CPA6: variants seen among roughly 807,000 people sequenced by gnomAD.
The protein encoded by CPA6 is carboxypeptidase A6.
CPA6 carries 58 observed loss-of-function variants against 63.3 expected under a neutral mutation model. That is an observed-to-expected ratio of 0.92 (90% confidence interval 0.74 to 1.14). CPA6 has a LOEUF of 1.14. Ranked by LOEUF, CPA6 falls within the 50% of genes most tolerant of loss-of-function variation. The pLI, the probability that CPA6 is intolerant of heterozygous loss-of-function variation, is 0.00. For synonymous variants in CPA6, 185 were observed against 179.0 expected (o/e 1.03, Z -0.27); for missense variants, 565 against 526.6 (o/e 1.07, Z -0.71).
intron 9 of CPA6, among the ~76,000 whole-genome samples, chr8:67,433,623 G>A (rs997944140): frequency 1.3e-5 from 2 of 152,114 alleles, no homozygotes; most frequent in Non-Finnish European, 2.9e-5. Flanking sequence ...TTACAGCCTT[G>A]CATACATGAC....
intron 1 of CPA6, among the ~76,000 whole-genome samples, chr8:67,659,781 C>A (rs1816068273): frequency 6.6e-6 from 1 of 152,150 alleles, no homozygotes; most frequent in East Asian, 1.9e-4. Flanking sequence ...TCCACCAATG[C>A]AATATATTTT....
intron 2 of CPA6, among the ~76,000 whole-genome samples, chr8:67,574,376 C>CAAA (rs1181267622): frequency 3.1e-5 from 2 of 65,214 alleles, no homozygotes; most frequent in African/African-American, 4.7e-5. Context: ...GACTCTGTCT[C>CAAA]AAAAAAAAAA....
intron 1 of CPA6, among the ~76,000 whole-genome samples, chr8:67,719,931 C>T (rs1425437191): frequency 1.3e-5 from 2 of 152,126 alleles, no homozygotes; most frequent in Non-Finnish European, 2.9e-5. Context: ...CAGCAACCAA[C>T]TGGACATATG....
chr8:67,743,515 G>A (rs1353433495), intron 1 of CPA6, among the ~76,000 whole-genome samples: 1 of 152,078 alleles, frequency 6.6e-6, no homozygotes, highest in Non-Finnish European at 1.5e-5. Flanking sequence ...TGTACAATTA[G>A]ATTATTGACT....
intron 1 of CPA6, among the ~76,000 whole-genome samples, chr8:67,685,376 G>C (rs1201678518): frequency 1.3e-5 from 2 of 152,136 alleles, no homozygotes; most frequent in African/African-American, 4.8e-5. Context: ...CCAGCACTTT[G>C]GGAGGCCGAG....
chr8:67,667,837 AG>A (rs1816264098), intron 1 of CPA6, among the ~76,000 whole-genome samples: 4 of 152,244 alleles, frequency 2.6e-5, no homozygotes, highest in African/African-American at 9.6e-5. Context: ...GCTCACCCTT[AG>A]GAAGAGCTCA....
chr8:67,629,138 C>CA lies in CPA6; in HGVS notation c.117-4888dup, dbSNP rs1236510944. On this transcript the variant is annotated intron_variant, in intron 1 of 10. Coordinates refer to ENST00000297770, the MANE Select transcript of CPA6 (RefSeq NM_020361.5). The stretch of plus-strand genomic sequence containing the variant: ...CGAAACAAACTAACAAAAAAACCCC[C>CA]AAAAAAACAAACAAAAAAAATCACC... 4.0e-5 allele frequency among the ~76,000 whole-genome samples: 6 copies of CA among 150,040 alleles called. No homozygotes were observed. In the East Asian group the frequency reaches 9.7e-4, roughly 24 times the overall value.
At chr8:67,650,557 A>G (rs2128991282) in intron 1 of CPA6, among the ~76,000 whole-genome samples, 2 of 152,242 alleles carry the variant, frequency 1.3e-5, no homozygotes, top group Middle Eastern at 6.8e-3. Flanking sequence ...ATAAGGTGCC[A>G]TGGACATCCA....
At chr8:67,735,712 T>C (rs1817799771) in intron 1 of CPA6, 1 of 149,810 alleles carries the variant, frequency 6.7e-6, no homozygotes, top group Non-Finnish European at 1.5e-5. Context: ...TGCTATTACA[T>C]TTCTGCCCTC....
rs1813973665 is a variant in CPA6 at position 67,587,454 on chromosome 8, A to G, written c.192+36722T>C. Among the ~76,000 whole-genome samples the G allele has an allele frequency of 2.0e-5, 3 of 152,310 alleles. No individual in the cohort carries two copies. The South Asian group carries it at 6.2e-4, about 32-fold the overall frequency. ...CAAAATAGAATATCTCTGAGATAAT[A>G]AATAGAATTATTCCATATCAGAGGA... On this transcript the variant is annotated intron_variant, in intron 2 of 10. Transcript: ENST00000297770.
At chr8:67,495,828 T>C (rs1811699530) in intron 6 of CPA6, among the ~76,000 whole-genome samples, 1 of 152,080 alleles carries the variant, frequency 6.6e-6, no homozygotes, top group South Asian at 2.1e-4. Context: ...GCTGGAATTA[T>C]AGGTGTCAGC....
chr8:67,557,387 G>A (rs374973047), intron 2 of CPA6, among the ~76,000 whole-genome samples: 2 of 152,236 alleles, frequency 1.3e-5, no homozygotes, highest in African/African-American at 4.8e-5. Context: ...AACAGGATAT[G>A]AATGAAAGTG....
At chr8:67,665,779 G>A (rs747903738) in intron 1 of CPA6, among the ~76,000 whole-genome samples, 1 of 152,120 alleles carries the variant, frequency 6.6e-6, no homozygotes, top group Non-Finnish European at 1.5e-5. Flanking sequence ...CCAAAAGCTC[G>A]GGGTATAATA....
intron 8 of CPA6, among the ~76,000 whole-genome samples, chr8:67,467,244 T>C (rs1197358472): frequency 6.6e-6 from 1 of 152,218 alleles, no homozygotes; most frequent in African/African-American, 2.4e-5. Flanking sequence ...TGTTGACGTG[T>C]ACCTGGGCAA....
chr8:67,539,832 T>C (rs570158528), intron 2 of CPA6, among the ~76,000 whole-genome samples: 2 of 152,310 alleles, frequency 1.3e-5, no homozygotes, highest in East Asian at 3.9e-4. Context: ...TCTTGTGCTG[T>C]GTTTTTCAAC....
intron 2 of CPA6, among the ~76,000 whole-genome samples, chr8:67,527,025 C>T (rs534758919): frequency 3.9e-5 from 6 of 152,142 alleles, no homozygotes; most frequent in Admixed American, 6.5e-5. Flanking sequence ...AGCCTGGCTC[C>T]GAGGTAGAAT....
rs754502832 is a variant in CPA6 at position 67,746,063 on chromosome 8, T to C, written c.67A>G (p.Lys23Glu). The change falls in exon 1 of 11, where the codon AAG becomes GAG. Residue 23 changes from lysine to glutamate, a missense_variant. Lys to Glu is a moderately conservative substitution (Grantham distance 56). Transcript: ENST00000297770. ...AFLPLCWLFL[K>E]ILQPGHSHLY... ...TGGCTGTGCCCCGGTTGCAGAATCT[T>C]CAAAAAGAGCCAGCAAAGAGGCAGG... is the stretch of plus-strand genomic sequence containing the variant. 6.2e-7 allele frequency: 1 copy of C among 1,613,764 alleles called. No individual in the cohort carries two copies. The highest frequency in any genetic ancestry group is 8.5e-7 in the Non-Finnish European group (1 of 1,179,830).
Position 67,422,372 on chromosome 8 carries a change from G to T in CPA6, c.*132C>A, listed in dbSNP as rs193137313. The T allele has an allele frequency of 1.6e-6, 1 of 644,376 alleles. No individual in the cohort carries two copies. The highest frequency in any genetic ancestry group is 2.5e-6 in the Non-Finnish European group (1 of 392,866). 39.9% of individuals were successfully genotyped at this position (644,376 alleles called of 1,614,324 possible). On this transcript the variant is annotated 3_prime_UTR_variant, in exon 11 of 11. Coordinates refer to ENST00000297770, the MANE Select transcript of CPA6 (RefSeq NM_020361.5). The stretch of plus-strand genomic sequence containing the variant: ...TTCTATTGCCACAAAGTCAAATTGC[G>T]TGGGGTCTTTTTAAAGTCCATAGAC...
intron 2 of CPA6, among the ~76,000 whole-genome samples, chr8:67,541,852 G>C (rs1386292912): frequency 6.6e-6 from 1 of 152,212 alleles, no homozygotes; most frequent in Non-Finnish European, 1.5e-5. Context: ...GTCCCAATGA[G>C]AGGAACCAGG....
Sources: gnomAD v4.1 joint callset for allele counts (sites outside exome capture counted in the v4.1 genomes callset) on GRCh38, gnomAD v4.1.1 for gene constraint, MANE v1.5 for transcripts, NCBI Gene and HGNC (gene_info 2026-07-23, HGNC 2026-07-21) for gene names.